The following MTHFD2L variants were observed in gnomAD, a reference collection of about 807,000 sequenced individuals.
The protein encoded by MTHFD2L is methylenetetrahydrofolate dehydrogenase (NADP+ dependent) 2 like, also known as bifunctional methylenetetrahydrofolate dehydrogenase/cyclohydrolase 2, mitochondrial.
A neutral mutation model predicts 34.9 loss-of-function variants in MTHFD2L; 29 were observed. That is an observed-to-expected ratio of 0.83 (90% CI 0.62 to 1.13). The LOEUF is 1.13. Among genes scored for constraint, MTHFD2L ranks in the 50% most tolerant of loss-of-function variants. The pLI is 0.00. For missense variants in MTHFD2L, 481 were observed against 446.5 expected (o/e 1.08, Z -0.70); for synonymous variants, 167 against 155.7 (o/e 1.07, Z -0.54).
At position 74,176,576 on chromosome 4, in the gene MTHFD2L, G is replaced by A. The variant is rs1349249413; in HGVS notation, c.451+1173G>A. The stretch of plus-strand genomic sequence containing the variant: ...ATCGATGTTTGATGATTGTAAATGT[G>A]CAGTGACCAATCATTTGAAAGAAGT... On this transcript the variant is annotated intron_variant, in intron 3 of 7. Coordinates refer to ENST00000325278, the MANE Select transcript of MTHFD2L (RefSeq NM_001144978.3). Among the ~76,000 whole-genome samples, 9 of 152,028 alleles carry A rather than the reference G, an allele frequency of 5.9e-5. No homozygotes were observed. In the East Asian group the frequency reaches 1.7e-3, roughly 29 times the overall value.
chr4:74,144,739 G>C (rs1240271203), intron 1 of MTHFD2L, among the ~76,000 whole-genome samples: 1 of 152,004 alleles, frequency 6.6e-6, no homozygotes, highest in Non-Finnish European at 1.5e-5. Context: ...CTCACTGTTG[G>C]CTTTGTTTTT....
At chr4:74,199,750 T>C (rs368731730) in intron 3 of MTHFD2L, 44 bp from the exon 4 acceptor site, 6 of 1,529,730 alleles carry the variant, frequency 3.9e-6, no homozygotes, top group Non-Finnish European at 5.3e-6. Flanking sequence ...GGCTACCAAA[T>C]AAATAACAAT....
chr4:74,134,337 G>C (rs898867372), intron 1 of MTHFD2L, among the ~76,000 whole-genome samples: 1 of 152,136 alleles, frequency 6.6e-6, no homozygotes, highest in Non-Finnish European at 1.5e-5. Flanking sequence ...ACCCGTGGCC[G>C]GCCTTCCCAC....
intron 1 of MTHFD2L, among the ~76,000 whole-genome samples, chr4:74,141,123 C>G (rs1220901047): frequency 6.6e-6 from 1 of 152,098 alleles, no homozygotes; most frequent in Non-Finnish European, 1.5e-5. Context: ...GAAAACCAAA[C>G]TTCATTATGT....
intron 5 of MTHFD2L, among the ~76,000 whole-genome samples, chr4:74,224,668 A>G (rs556386542): frequency 9.2e-5 from 14 of 152,158 alleles, no homozygotes; most frequent in African/African-American, 3.4e-4. Flanking sequence ...TTCATATAAA[A>G]TCTTCCTGTG....
chr4:74,208,781 G>A (rs1360530551), intron 5 of MTHFD2L, among the ~76,000 whole-genome samples: 1 of 152,138 alleles, frequency 6.6e-6, no homozygotes, highest in Non-Finnish European at 1.5e-5. Context: ...TTCTCTCAGA[G>A]CGCCACCCAG....
At chr4:74,257,170 T>C (rs1340887581) in intron 6 of MTHFD2L, among the ~76,000 whole-genome samples, 4 of 152,182 alleles carry the variant, frequency 2.6e-5, no homozygotes. Context: ...TGTAGAGCTC[T>C]TTCACCTCTT....
At chr4:74,190,437 A>G (rs938593345) in intron 3 of MTHFD2L, 3 of 980,700 alleles carry the variant, frequency 3.1e-6, no homozygotes, top group Non-Finnish European at 3.6e-6. Context: ...CTGCCTGAGG[A>G]CATCCTGGGG....
upstream of MTHFD2L, among the ~76,000 whole-genome samples, chr4:74,119,652 G>A (rs752060200): frequency 7.2e-5 from 11 of 152,030 alleles, no homozygotes; most frequent in South Asian, 2.1e-4. Flanking sequence ...GCATGGTGGC[G>A]GGTGTCTGTA....
intron 6 of MTHFD2L, among the ~76,000 whole-genome samples, chr4:74,273,369 T>C (rs926661935): frequency 1.3e-5 from 2 of 152,140 alleles, no homozygotes; most frequent in African/African-American, 4.8e-5. Context: ...ATAAAGGCCA[T>C]TAAGTTTGTG....
intron 3 of MTHFD2L, chr4:74,180,906 T>A (rs185103181): frequency 5.5e-6 from 1 of 181,362 alleles, no homozygotes; most frequent in Admixed American, 5.6e-5. Flanking sequence ...ATTCTTTTTT[T>A]CTTCTAAGTA....
chr4:74,147,748 C>A lies in MTHFD2L; in HGVS notation c.-296-12307C>A, dbSNP rs187284045. ...ACGGACATGAGGTGGTATAACATTGCGCTTTGGATTTGCATTTCCTTAATA... is the reference window on the plus strand; with the variant it reads ...ACGGACATGAGGTGGTATAACATTGAGCTTTGGATTTGCATTTCCTTAATA... On this transcript the variant is annotated intron_variant, in intron 1 of 7. Coordinates refer to the MTHFD2L transcript ENST00000433372. 1.7e-3 allele frequency among the ~76,000 whole-genome samples: 253 copies of A among 152,224 alleles called. 1 individual carries two copies. Among genetic ancestry groups the A allele is most frequent in the African/African-American group, 5.1e-3 (212 of 41,536 alleles).
At chr4:74,129,407 T>A (rs531229717) in intron 1 of MTHFD2L, among the ~76,000 whole-genome samples, 1 of 152,226 alleles carries the variant, frequency 6.6e-6, no homozygotes, top group East Asian at 1.9e-4. Context: ...TGGACCACAG[T>A]GCAATCAAAT....
At chr4:74,266,508 T>C (rs1485002121) in intron 6 of MTHFD2L, among the ~76,000 whole-genome samples, 1 of 152,172 alleles carries the variant, frequency 6.6e-6, no homozygotes, top group African/African-American at 2.4e-5. Context: ...AAATATATTT[T>C]TGTTTTTGGA....
At chr4:74,301,253 C>G (rs1217722810) in intron 7 of MTHFD2L, among the ~76,000 whole-genome samples, 1 of 151,912 alleles carries the variant, frequency 6.6e-6, no homozygotes, top group African/African-American at 2.4e-5. Context: ...ATGTATTATC[C>G]ACACATACAT....
At chr4:74,262,967 A>G (rs1744860283) in intron 6 of MTHFD2L, among the ~76,000 whole-genome samples, 1 of 151,982 alleles carries the variant, frequency 6.6e-6, no homozygotes, top group Non-Finnish European at 1.5e-5. Context: ...ACATTCACCA[A>G]TAGAGGAATA....
chr4:74,149,856 C>T (rs564110709), intron 1 of MTHFD2L, among the ~76,000 whole-genome samples: 2 of 152,240 alleles, frequency 1.3e-5, no homozygotes, highest in South Asian at 4.2e-4. Flanking sequence ...AATATATCAC[C>T]TTACATGGCA....
intron 3 of MTHFD2L, among the ~76,000 whole-genome samples, chr4:74,179,888 G>A (rs906297496): frequency 7.9e-5 from 12 of 151,840 alleles, no homozygotes; most frequent in African/African-American, 2.7e-4. Flanking sequence ...TTCAGGTTGC[G>A]GTGTAACAGT....
At chr4:74,168,258 G>C (rs1462776687) in intron 1 of MTHFD2L, among the ~76,000 whole-genome samples, 2 of 152,128 alleles carry the variant, frequency 1.3e-5, no homozygotes, top group African/African-American at 4.8e-5. Flanking sequence ...TCTTACCCTA[G>C]TTCACTTGTT....
Sources: allele counts gnomAD v4.1 joint callset (sites outside exome capture counted in the v4.1 genomes callset), GRCh38; gene constraint gnomAD v4.1.1; transcripts MANE v1.5; gene names NCBI Gene and HGNC (gene_info 2026-07-23, HGNC 2026-07-21).